IMMP2L: variants seen among roughly 807,000 people sequenced by gnomAD.
IMMP2L encodes mitochondrial inner membrane protease subunit 2.
Under a neutral mutation model 19.3 loss-of-function variants are expected in IMMP2L, and 18 were observed. The ratio of observed to expected loss-of-function variants is 0.93; its 90% CI spans 0.64 to 1.38. IMMP2L has a LOEUF of 1.38. IMMP2L is among the 40% of genes most tolerant of loss of function. The pLI is 0.00. For synonymous variants in IMMP2L, 76 were observed against 73.0 expected (o/e 1.04, Z -0.21); for missense variants, 233 against 218.2 (o/e 1.07, Z -0.43).
At chr7:111,043,145 C>G (rs1382535286) in intron 3 of IMMP2L, among the ~76,000 whole-genome samples, 1 of 152,150 alleles carries the variant, frequency 6.6e-6, no homozygotes, top group Admixed American at 6.5e-5. Flanking sequence ...ATGGCCCAAC[C>G]TGTAGTAAGT....
chr7:111,039,817 T>C (rs969685178), intron 3 of IMMP2L, among the ~76,000 whole-genome samples: 1 of 152,194 alleles, frequency 6.6e-6, no homozygotes, highest in Non-Finnish European at 1.5e-5. Flanking sequence ...TTTAATTGGC[T>C]ACCACTGCAT....
At chr7:110,778,752 G>A (rs1799554051) in intron 5 of IMMP2L, among the ~76,000 whole-genome samples, 1 of 151,900 alleles carries the variant, frequency 6.6e-6, no homozygotes, top group African/African-American at 2.4e-5. Context: ...TAGATATGTG[G>A]CCCTAGAACT....
At chr7:111,139,151 T>G (rs1802633606) in intron 3 of IMMP2L, among the ~76,000 whole-genome samples, 1 of 152,138 alleles carries the variant, frequency 6.6e-6, no homozygotes. Context: ...TTTTTTATCT[T>G]TGCCCTATTT....
chr7:110,816,438 T>A (rs959779215), intron 5 of IMMP2L, among the ~76,000 whole-genome samples: 1 of 148,904 alleles, frequency 6.7e-6, no homozygotes, highest in South Asian at 2.1e-4. Flanking sequence ...AGAATGTATA[T>A]TCTGTTGATT....
At chr7:111,349,513 A>G (rs944568572) in intron 3 of IMMP2L, among the ~76,000 whole-genome samples, 2 of 152,206 alleles carry the variant, frequency 1.3e-5, no homozygotes, top group Non-Finnish European at 2.9e-5. Flanking sequence ...ATTTCAAATG[A>G]TAAAAGTCAG....
intron 3 of IMMP2L, among the ~76,000 whole-genome samples, chr7:111,037,565 T>C (rs934029379): frequency 1.5e-4 from 23 of 152,164 alleles, no homozygotes; most frequent in African/African-American, 5.5e-4. Flanking sequence ...AAAGGGGTCA[T>C]TTTAATTTCA....
intron 5 of IMMP2L, among the ~76,000 whole-genome samples, chr7:110,761,031 G>A (rs1428815459): frequency 2.6e-5 from 4 of 152,122 alleles, no homozygotes; most frequent in Non-Finnish European, 4.4e-5. Context: ...GATGAGTAAG[G>A]GAGAATGAGA....
chr7:110,910,434 C>T (rs149642684), intron 4 of IMMP2L, among the ~76,000 whole-genome samples: 1 of 152,242 alleles, frequency 6.6e-6, no homozygotes, highest in African/African-American at 2.4e-5. Context: ...TCAATTCCTA[C>T]CATGTGGTCA....
chr7:111,011,577 G>C (rs1258763824), intron 3 of IMMP2L, among the ~76,000 whole-genome samples: 21 of 152,088 alleles, frequency 1.4e-4, no homozygotes, highest in Admixed American at 1.4e-3. Context: ...TCTGGACCAG[G>C]ATCATTTCTT....
chr7:111,539,192 GAGGGAGAAAGAAAGAAAGAAAGA>G (rs1206004370), intron 1 of IMMP2L, among the ~76,000 whole-genome samples: 3 of 19,836 alleles, frequency 1.5e-4, no homozygotes, highest in African/African-American at 5.1e-4. Flanking sequence ...AGGAAGGAAG[GAGGGAGAAAGAAAGAAAGAAAGA>G]AAGAAAGAAA....
chr7:111,446,182 G>T (rs1838382887), intron 3 of IMMP2L, among the ~76,000 whole-genome samples: 2 of 152,224 alleles, frequency 1.3e-5, no homozygotes, highest in Non-Finnish European at 2.9e-5. Context: ...CAGCCTGGAA[G>T]CTCAAACTGG....
intron 3 of IMMP2L, among the ~76,000 whole-genome samples, chr7:111,046,330 A>C (rs1792392964): frequency 6.6e-6 from 1 of 152,130 alleles, no homozygotes; most frequent in Admixed American, 6.5e-5. Flanking sequence ...TAAAAAAATA[A>C]AGGAGCAGTT....
At chr7:111,059,661 T>C (rs181597705) in intron 3 of IMMP2L, among the ~76,000 whole-genome samples, 1 of 152,286 alleles carries the variant, frequency 6.6e-6, no homozygotes, top group Admixed American at 6.5e-5. Context: ...CATGAGTATT[T>C]GTCATTTACA....
At chr7:111,431,138 T>C (rs1836587173) in intron 3 of IMMP2L, among the ~76,000 whole-genome samples, 1 of 151,896 alleles carries the variant, frequency 6.6e-6, no homozygotes, top group Non-Finnish European at 1.5e-5. Context: ...TGCCCTTTTT[T>C]ATCTTGACCA....
chr7:111,338,927 A>G (rs1826736935), intron 3 of IMMP2L, among the ~76,000 whole-genome samples: 2 of 152,104 alleles, frequency 1.3e-5, no homozygotes, highest in African/African-American at 4.8e-5. Flanking sequence ...CTGAGTCTCA[A>G]GAATATTGTC....
At chr7:111,163,432 C>T (rs959436867) in intron 3 of IMMP2L, among the ~76,000 whole-genome samples, 1 of 152,102 alleles carries the variant, frequency 6.6e-6, no homozygotes, top group Non-Finnish European at 1.5e-5. Flanking sequence ...CGAATCAAAT[C>T]TCTCCTCAGT....
intron 3 of IMMP2L, among the ~76,000 whole-genome samples, chr7:111,428,142 T>C (rs1323131780): frequency 1.3e-5 from 2 of 151,858 alleles, no homozygotes; most frequent in Non-Finnish European, 2.9e-5. Context: ...ATTTGCAATA[T>C]TCTAGGAGAG....
At chr7:111,197,709 A>C (rs1187801969) in intron 3 of IMMP2L, among the ~76,000 whole-genome samples, 1 of 152,196 alleles carries the variant, frequency 6.6e-6, no homozygotes, top group Non-Finnish European at 1.5e-5. Flanking sequence ...CTACTATACA[A>C]TGCGATAGCT....
chr7:111,067,474 C>T (rs1794609731), intron 3 of IMMP2L, among the ~76,000 whole-genome samples: 1 of 152,142 alleles, frequency 6.6e-6, no homozygotes, highest in Non-Finnish European at 1.5e-5. Context: ...ATGTGCTTCT[C>T]CCCCAGTGGA....
Sources: allele counts gnomAD v4.1 joint callset (sites outside exome capture counted in the v4.1 genomes callset), GRCh38; gene constraint gnomAD v4.1.1; transcripts MANE v1.5; gene names NCBI Gene and HGNC (gene_info 2026-07-23, HGNC 2026-07-21).